WDR37: variants seen among roughly 807,000 people sequenced by gnomAD.
The protein encoded by WDR37 is WD repeat domain 37, also known as WD repeat-containing protein 37.
Under a neutral mutation model 62.9 loss-of-function variants are expected in WDR37, and 19 were observed. The observed-to-expected ratio is 0.30, with a 90% CI of 0.21 to 0.44. The LOEUF (loss-of-function observed/expected upper bound fraction) is 0.44. Ranked by LOEUF, WDR37 falls within the 20% of genes least tolerant of loss-of-function variation. WDR37 has a pLI of 1.00. For synonymous variants in WDR37, 250 were observed against 260.9 expected (o/e 0.96, Z 0.40); for missense variants, 474 against 657.6 (o/e 0.72, Z 3.05).
intron 1 of WDR37, among the ~76,000 whole-genome samples, chr10:1,063,096 AAAG>A (rs1246250872): frequency 6.6e-6 from 1 of 152,014 alleles, no homozygotes; most frequent in Non-Finnish European, 1.5e-5. Context: ...AAAAAAAAAA[AAAG>A]AGACTGAAAG....
chr10:1,065,917 A>G (rs1833524172), intron 1 of WDR37, among the ~76,000 whole-genome samples: 1 of 152,130 alleles, frequency 6.6e-6, no homozygotes, highest in Non-Finnish European at 1.5e-5. Flanking sequence ...ATGACTTAAT[A>G]GTTGACATAG....
intron 6 of WDR37, among the ~76,000 whole-genome samples, chr10:1,084,864 C>T (rs937302489): frequency 6.6e-6 from 1 of 152,214 alleles, no homozygotes; most frequent in Non-Finnish European, 1.5e-5. Context: ...GTGGGTAGGG[C>T]GTTGCAACTC....
At chr10:1,094,656 C>T (rs1834508397) in intron 8 of WDR37, among the ~76,000 whole-genome samples, 7 of 152,174 alleles carry the variant, frequency 4.6e-5, no homozygotes, top group Admixed American at 4.6e-4. Context: ...TAGACGTGTC[C>T]AGATTCAAAC....
At chr10:1,126,399 G>C (rs7101282) in intron 13 of WDR37, among the ~76,000 whole-genome samples, 145,200 of 146,894 alleles carry the variant, frequency 0.99, 71,780 homozygotes, top group Middle Eastern at 1. Context: ...GAGCGAGACT[G>C]TGTCTCAGAA....
chr10:1,082,172 G>A (rs1485578263), intron 5 of WDR37, among the ~76,000 whole-genome samples: 2 of 152,220 alleles, frequency 1.3e-5, no homozygotes, highest in African/African-American at 4.8e-5. Context: ...TCGTACTACA[G>A]TGTGGATTCT....
chr10:1,058,009 G>A (rs1833249570), intron 1 of WDR37, among the ~76,000 whole-genome samples: 2 of 151,420 alleles, frequency 1.3e-5, no homozygotes, highest in African/African-American at 4.8e-5. Context: ...CACTGTTCTG[G>A]TTACTTTCCT....
intron 1 of WDR37, among the ~76,000 whole-genome samples, chr10:1,070,201 C>CT (rs1833685647): frequency 1.5e-5 from 2 of 130,330 alleles, no homozygotes; most frequent in East Asian, 4.2e-4. Flanking sequence ...GAGCAAGACT[C>CT]TGTCTCAAAA....
Position 1,132,278 on chromosome 10 carries a change from A to G in WDR37, c.*2934A>G, listed in dbSNP as rs1835962933. 1 of 152,236 alleles carries G rather than the reference A, an allele frequency of 6.6e-6. No individual in the cohort carries two copies. The highest frequency in any genetic ancestry group is 1.5e-5 in the Non-Finnish European group (1 of 68,034). 9.4% of individuals were successfully genotyped at this position (152,236 alleles called of 1,614,324 possible). A position where few individuals can be genotyped will look rare whatever the true frequency, so the allele number is the denominator to read the frequency against. ...ATCACGATGAGCTAGAAATTGAACA[A>G]ATATAATACTGGTCACTCGAAAAAT... On this transcript the variant is annotated 3_prime_UTR_variant, in exon 14 of 14. Transcript: ENST00000263150.
intron 1 of WDR37, among the ~76,000 whole-genome samples, chr10:1,063,382 C>G (rs548664347): frequency 6.6e-6 from 1 of 152,056 alleles, no homozygotes; most frequent in South Asian, 2.1e-4. Flanking sequence ...CCCTGCAGCA[C>G]CACCCTCACC....
intron 11 of WDR37, among the ~76,000 whole-genome samples, chr10:1,120,427 C>T (rs1400571433): frequency 6.6e-6 from 1 of 152,138 alleles, no homozygotes. Flanking sequence ...TGGTTACTTA[C>T]TCAGGGCACT....
chr10:1,076,122 C>T (rs949403122), intron 2 of WDR37, among the ~76,000 whole-genome samples: 15 of 151,974 alleles, frequency 9.9e-5, no homozygotes, highest in African/African-American at 3.4e-4. Context: ...TTTATAGTTA[C>T]ATTTTCCTTT....
chr10:1,093,548 A>G (rs765581723), intron 8 of WDR37, 52 bp downstream of exon 8: 2 of 1,388,844 alleles, frequency 1.4e-6, no homozygotes, highest in Admixed American at 3.7e-5. Context: ...TCTTAAAACA[A>G]CTATAAATAT....
In WDR37 at chr10:1,096,053, C is replaced by T. The variant is rs1834563692; in HGVS notation, c.650-117C>T. The T allele has an allele frequency of 1.6e-5, 14 of 878,538 alleles. No individual in the cohort carries two copies. In the South Asian group the frequency reaches 2.1e-4, roughly 13 times the overall value. The allele number at this position is 878,538 out of a possible 1,614,324, so 54.4% of individuals were successfully genotyped here. A position where few individuals can be genotyped will look rare whatever the true frequency, so the allele number is the denominator to read the frequency against. ...TTAAGTAAAAAGTACATTCCTCTCA[C>T]TAAGTGGTCACTAAGCTGGAAAGGT... On this transcript the variant is annotated intron_variant, in intron 8 of 13. Coordinates refer to ENST00000263150, the MANE Select transcript of WDR37 (RefSeq NM_014023.4).
At chr10:1,089,773 T>C (rs1272559417) in intron 7 of WDR37, among the ~76,000 whole-genome samples, 1 of 152,226 alleles carries the variant, frequency 6.6e-6, no homozygotes, top group Non-Finnish European at 1.5e-5. Flanking sequence ...TGGCCTCCAG[T>C]ATTCGGTGTC....
chr10:1,102,802 C>T (rs567124597), intron 9 of WDR37, among the ~76,000 whole-genome samples: 1 of 152,300 alleles, frequency 6.6e-6, no homozygotes, highest in East Asian at 1.9e-4. Flanking sequence ...GTATATATGA[C>T]ATACCTCTCC....
chr10:1,056,838 G>T lies in WDR37; in HGVS notation c.-171G>T, dbSNP rs1294708853. The stretch of plus-strand genomic sequence containing the variant: ...ATTAGCGCCAGGTTGGGGTTGTGGG[G>T]TCGCGTCAGTGCGGAGACAGCGGTG... On this transcript the variant is annotated 5_prime_UTR_variant, in exon 1 of 14. Coordinates refer to ENST00000263150, the MANE Select transcript of WDR37 (RefSeq NM_014023.4). The T allele has an allele frequency of 6.6e-6, 1 of 152,332 alleles. No homozygotes were observed. Among genetic ancestry groups the T allele is most frequent in the Non-Finnish European group, 1.5e-5 (1 of 68,158 alleles). 9.4% of individuals were successfully genotyped at this position (152,332 alleles called of 1,614,324 possible).
At chr10:1,129,107 C>T (rs2131703210) in intron 13 of WDR37, 106 bp from the exon 14 acceptor site, 2 of 1,497,226 alleles carry the variant, frequency 1.3e-6, no homozygotes, top group Non-Finnish European at 1.8e-6. Flanking sequence ...TGTTGTTTTC[C>T]TATAACTTAC....
At chr10:1,061,070 A>G (rs1352958183) in intron 1 of WDR37, among the ~76,000 whole-genome samples, 5 of 152,214 alleles carry the variant, frequency 3.3e-5, no homozygotes, top group Non-Finnish European at 7.3e-5. Flanking sequence ...CTGTGTTGAA[A>G]GGCTCTTAAT....
At chr10:1,095,585 G>A (rs1373326213) in intron 8 of WDR37, among the ~76,000 whole-genome samples, 1 of 152,182 alleles carries the variant, frequency 6.6e-6, no homozygotes, top group Non-Finnish European at 1.5e-5. Context: ...GCCTGCCCGT[G>A]TGTGGGTGAG....
Sources: gnomAD v4.1 joint callset for allele counts (sites outside exome capture counted in the v4.1 genomes callset) on GRCh38, gnomAD v4.1.1 for gene constraint, MANE v1.5 for transcripts, NCBI Gene and HGNC (gene_info 2026-07-23, HGNC 2026-07-21) for gene names.